The following KMT2C variants were observed in gnomAD, a reference collection of about 807,000 sequenced individuals.
KMT2C encodes the protein histone-lysine N-methyltransferase 2C.
KMT2C carries 88 observed loss-of-function variants against 507.9 expected under a neutral mutation model. That is an observed-to-expected ratio of 0.17 (90% CI 0.15 to 0.21). The LOEUF (loss-of-function observed/expected upper bound fraction) is 0.21. KMT2C is among the 10% of genes least tolerant of loss of function. The pLI is 1.00. For missense variants in KMT2C, 4,954 were observed against 5,957.8 expected (o/e 0.83, Z 5.55); for synonymous variants, 2,049 against 2,080.8 (o/e 0.98, Z 0.42).
At chr7:152,141,880 A>C (rs1016594271) in intron 55 of KMT2C, among the ~76,000 whole-genome samples, 3 of 151,948 alleles carry the variant, frequency 2.0e-5, no homozygotes, top group African/African-American at 7.3e-5. Context: ...AAATTAGCCA[A>C]GTATTGTGGC....
chr7:152,249,819 G>A (rs2129165376), intron 13 of KMT2C, 57 bp downstream of exon 13: 1 of 1,072,250 alleles, frequency 9.3e-7, no homozygotes, highest in Non-Finnish European at 1.4e-6. Flanking sequence ...ATGTCTTTGG[G>A]ATAAAGACAT....
At chr7:152,327,898 C>A (rs1306009586) in intron 3 of KMT2C, among the ~76,000 whole-genome samples, 1 of 144,126 alleles carries the variant, frequency 6.9e-6, no homozygotes, top group Non-Finnish European at 1.5e-5. Flanking sequence ...GTGGAGCTTG[C>A]AGTGAGCCAA....
chr7:152,268,983 T>C (rs1221063731), intron 7 of KMT2C, among the ~76,000 whole-genome samples: 1 of 152,194 alleles, frequency 6.6e-6, no homozygotes, highest in Non-Finnish European at 1.5e-5. Flanking sequence ...ATTTGAGATA[T>C]TACTATTTTG....
Position 152,330,699 on chromosome 7 carries a change from T to C in KMT2C, c.291A>G (p.Glu97=), listed in dbSNP as rs781227697. 2.5e-6 allele frequency: 4 copies of C among 1,613,906 alleles called. No homozygotes were observed. ...GAATTAGCTGTTTGCTGTTATCCAC[T>C]TCTGCTTCAGCATCCTCTTCTGCAG... is the stretch of plus-strand genomic sequence containing the variant. ...EQSAEEDAEA[E]VDNSKQLIPT... is the part of the protein sequence containing the mutation. Residue 97 remains glutamate (E), a synonymous_variant, in exon 3 of 59, where the codon GAA becomes GAG. Transcript: ENST00000262189.
intron 9 of KMT2C, among the ~76,000 whole-genome samples, chr7:152,260,839 A>C (rs1266932178): frequency 6.6e-6 from 1 of 152,212 alleles, no homozygotes; most frequent in Admixed American, 6.5e-5. Flanking sequence ...AATTGTGACA[A>C]GGTTTATAAT....
chr7:152,151,540 T>C lies in KMT2C; in HGVS notation c.12568A>G (p.Ser4190Gly). The C allele has an allele frequency of 6.2e-7, 1 of 1,614,166 alleles. No homozygotes were observed. Among genetic ancestry groups the C allele is most frequent in the Non-Finnish European group, 8.5e-7 (1 of 1,179,988 alleles). ...YKDSSHGIAESAALRPQWCCH... is the reference protein window; with the variant it reads ...YKDSSHGIAEGAALRPQWCCH... ...CACCACTGTGGTCTGAGTGCTGCGCTTTCTGCAATACCATGACTAGAATCC... is the reference window on the plus strand; with the variant it reads ...CACCACTGTGGTCTGAGTGCTGCGCCTTCTGCAATACCATGACTAGAATCC... Residue 4190 changes from serine (S) to glycine (G), a missense_variant, in exon 50 of 59, where the codon AGC becomes GGC. By Grantham distance (56) the Ser-to-Gly change is moderately conservative. Transcript: ENST00000262189.
chr7:152,148,004 C>T lies in KMT2C; in HGVS notation c.13894+29G>A, dbSNP rs756632588. On this transcript the variant is annotated intron_variant, in intron 52 of 58. Transcript: ENST00000262189. This position sits in a 1 kb window ranked among gnomAD's most constrained non-coding sequence, Gnocchi z 7.1. Reference sequence around the variant, plus strand: ...TAGCCTGACATCAGAGTAAGTAGCACTGCACAGCATGTGAACGGCAGACGT... The same window carrying T: ...TAGCCTGACATCAGAGTAAGTAGCATTGCACAGCATGTGAACGGCAGACGT... 1 of 1,535,770 alleles carries T rather than the reference C, an allele frequency of 6.5e-7. No individual in the cohort carries two copies. The highest frequency in any genetic ancestry group is 1.3e-5 in the South Asian group (1 of 77,962).
chr7:152,183,532 C>T (rs1300902809), intron 34 of KMT2C, among the ~76,000 whole-genome samples: 1 of 152,046 alleles, frequency 6.6e-6, no homozygotes, highest in East Asian at 1.9e-4. Flanking sequence ...GAGGCCAAGG[C>T]GGGTGGATCA....
chr7:152,375,593 C>A (rs1323341735), intron 1 of KMT2C, among the ~76,000 whole-genome samples: 2 of 151,886 alleles, frequency 1.3e-5, no homozygotes, highest in African/African-American at 4.8e-5. Context: ...ACCATGCTGG[C>A]CAGGCTGGTC....
chr7:152,217,322 G>T (rs532151149), intron 23 of KMT2C, among the ~76,000 whole-genome samples: 1 of 152,124 alleles, frequency 6.6e-6, no homozygotes, highest in Non-Finnish European at 1.5e-5. Context: ...TGTAGTTTCA[G>T]GATAATATAG....
At chr7:152,314,998 T>G in intron 4 of KMT2C, 140 bp downstream of exon 4, 1 of 672,446 alleles carries the variant, frequency 1.5e-6, no homozygotes, top group South Asian at 2.2e-5. Context: ...TAATGGTGAG[T>G]CAGAGTATCC....
At chr7:152,212,302 T>TA (rs2094473208) in intron 23 of KMT2C, among the ~76,000 whole-genome samples, 1 of 152,186 alleles carries the variant, frequency 6.6e-6, no homozygotes, top group Non-Finnish European at 1.5e-5. Flanking sequence ...CATGCACAGG[T>TA]ATTGCCTATT....
At chr7:152,368,363 AAATGG>A (rs1456763622) in intron 1 of KMT2C, 9 of 1,126,758 alleles carry the variant, frequency 8.0e-6, no homozygotes, top group Non-Finnish European at 1.1e-5. Context: ...CCTCTGGCAC[AAATGG>A]AAGAAGAAAG....
chr7:152,312,147 A>G (rs968474187), intron 4 of KMT2C: 4 of 374,894 alleles, frequency 1.1e-5, no homozygotes, highest in Admixed American at 8.6e-5. Context: ...CGTATAAGTA[A>G]CAAGTAAGAA....
At chr7:152,140,529 T>C (rs568619081) in intron 55 of KMT2C, among the ~76,000 whole-genome samples, 1 of 152,232 alleles carries the variant, frequency 6.6e-6, no homozygotes, top group Admixed American at 6.5e-5. Context: ...TTGCCATAAA[T>C]AGTTGTATTT....
chr7:152,369,029 AAAAT>A (rs2097270629), intron 1 of KMT2C, among the ~76,000 whole-genome samples: 1 of 152,190 alleles, frequency 6.6e-6, no homozygotes, highest in East Asian at 1.9e-4. Flanking sequence ...TTAAAAAAAA[AAAAT>A]AGTTAAGGGC....
chr7:152,150,103 T>C (rs1374252461), intron 51 of KMT2C, among the ~76,000 whole-genome samples: 1 of 152,226 alleles, frequency 6.6e-6, no homozygotes, highest in Non-Finnish European at 1.5e-5. Flanking sequence ...CTGGCAGTAT[T>C]ACTGTACAGG....
intron 1 of KMT2C, among the ~76,000 whole-genome samples, chr7:152,381,973 T>C (rs1473573952): frequency 6.6e-6 from 1 of 152,148 alleles, no homozygotes; most frequent in Non-Finnish European, 1.5e-5. Context: ...TCCCAAGCTA[T>C]CCCTACCCAT....
rs748254163 is a variant in KMT2C, at chr7:152,315,159, C to T, written c.569G>A (p.Arg190Gln). The change falls in exon 4 of 59, where the codon CGA becomes CAA. Residue 190 changes from arginine to glutamine, a missense_variant. Around this residue, in one of 29 missense-constraint regions of KMT2C, gnomAD observed 233 missense variants for 263.6 expected, o/e 0.88. Transcript: ENST00000262189. ...TTACTTTCTCTGTCCTCTTTGTTTT[C>T]GTGGTGCTGAGTTTTGCATTTTCTC... Reference protein sequence around the residue: ...TYEKMQNSAPRKQRGQRKERS... With the variant: ...TYEKMQNSAPQKQRGQRKERS... 8.1e-6 allele frequency: 13 copies of T among 1,613,982 alleles called. No individual in the cohort carries two copies. Among genetic ancestry groups the T allele is most frequent in the South Asian group, 7.7e-5 (7 of 91,082 alleles).
Sources: allele counts gnomAD v4.1 joint callset (sites outside exome capture counted in the v4.1 genomes callset), GRCh38; gene constraint gnomAD v4.1.1; regional missense constraint gnomAD v4.1.1; non-coding constraint Gnocchi (gnomAD v3.1); transcripts MANE v1.5; gene names NCBI Gene and HGNC (gene_info 2026-07-23, HGNC 2026-07-21).